ASH1L: variants seen among roughly 807,000 people sequenced by gnomAD.
ASH1L encodes the protein ASH1 like histone lysine methyltransferase.
Under a neutral mutation model 269.0 loss-of-function variants are expected in ASH1L, and 23 were observed. The observed-to-expected ratio is 0.09, with a 90% confidence interval of 0.06 to 0.12. The LOEUF is 0.12. Among genes scored for constraint, ASH1L ranks in the 10% least tolerant of loss-of-function variants. ASH1L has a pLI of 1.00. For synonymous variants in ASH1L, 1,187 were observed against 1,253.5 expected, an observed-to-expected ratio of 0.95 and a Z score of 1.12; for missense variants, 2,912 against 3,567.8, an observed-to-expected ratio of 0.82 and a Z score of 4.68.
At chr1:155,554,721 A>T (rs977765841) in intron 1 of ASH1L, among the ~76,000 whole-genome samples, 3 of 152,220 alleles carry the variant, frequency 2.0e-5, no homozygotes, top group Non-Finnish European at 2.9e-5. Context: ...AAACAAAAAA[A>T]AACACTGTAT....
intron 2 of ASH1L, among the ~76,000 whole-genome samples, chr1:155,509,748 G>A (rs140831573): frequency 0.02 from 3,106 of 152,152 alleles, 104 homozygotes; most frequent in African/African-American, 0.071. Context: ...GCAGTGAGCC[G>A]AGACTGCACC....
At chr1:155,412,085 A>G (rs1659856967) in intron 6 of ASH1L, among the ~76,000 whole-genome samples, 1 of 151,912 alleles carries the variant, frequency 6.6e-6, no homozygotes, top group Non-Finnish European at 1.5e-5. Context: ...CTACTAAAAT[A>G]CAAAAAATTG....
chr1:155,506,782 C>G (rs909725884), intron 2 of ASH1L, among the ~76,000 whole-genome samples: 1 of 151,754 alleles, frequency 6.6e-6, no homozygotes, highest in African/African-American at 2.4e-5. Context: ...AAGTCTAATA[C>G]TTGGATTCAT....
At chr1:155,435,938 C>T (rs1029600598) in intron 5 of ASH1L, among the ~76,000 whole-genome samples, 4 of 152,126 alleles carry the variant, frequency 2.6e-5, no homozygotes, top group Admixed American at 2.6e-4. Flanking sequence ...GTAATCACAG[C>T]TGCTCAAGAG....
chr1:155,438,497 C>T lies in ASH1L; in HGVS notation c.5658G>A (p.Leu1886=). The change falls in exon 5 of 28, where the codon CTG becomes CTA. Residue 1886 remains leucine (L), a synonymous_variant. Coordinates refer to ENST00000392403, the MANE Select transcript of ASH1L (RefSeq NM_018489.3). ...ELNRDEEGAA[L]HLSPDTVTDV... is the part of the protein sequence containing the mutation. ...CTGTAACTGTGTCAGGACTGAGGTG[C>T]AGTGCTGCTCCTTCCTCGTCTCTGT... is the stretch of plus-strand genomic sequence containing the variant. 1 of 1,613,236 alleles carries T rather than the reference C, an allele frequency of 6.2e-7. No homozygotes were observed.
intron 3 of ASH1L, among the ~76,000 whole-genome samples, chr1:155,462,985 G>A (rs962908190): frequency 6.6e-6 from 1 of 152,160 alleles, no homozygotes; most frequent in African/African-American, 2.4e-5. Context: ...GGAAAGTGAT[G>A]CTATCACTTA....
intron 2 of ASH1L, among the ~76,000 whole-genome samples, chr1:155,489,156 T>C (rs1666566976): frequency 6.6e-6 from 1 of 152,164 alleles, no homozygotes; most frequent in Admixed American, 6.5e-5. Context: ...TGACTGTAAT[T>C]AAATAGTTTC....
chr1:155,537,753 T>TAAAA (rs201878978), intron 1 of ASH1L, among the ~76,000 whole-genome samples: 6 of 151,814 alleles, frequency 4.0e-5, no homozygotes, highest in African/African-American at 1.5e-4. Context: ...TTTTTTTTTT[T>TAAAA]AAAAAAAGCT....
intron 10 of ASH1L, among the ~76,000 whole-genome samples, chr1:155,373,900 C>T (rs188457272): frequency 6.6e-6 from 1 of 152,334 alleles, no homozygotes; most frequent in African/African-American, 2.4e-5. Context: ...AACTCCTGGA[C>T]TCAAGTGATC....
chr1:155,461,943 C>A (rs1298792713), intron 3 of ASH1L, among the ~76,000 whole-genome samples: 4 of 151,748 alleles, frequency 2.6e-5, no homozygotes, highest in Admixed American at 6.6e-5. Context: ...GGATTACAGG[C>A]ATGGGCCACC....
At chr1:155,380,315 T>G (rs529157082) in intron 7 of ASH1L, among the ~76,000 whole-genome samples, 199 bp from the exon 8 acceptor site, 6 of 152,310 alleles carry the variant, frequency 3.9e-5, no homozygotes, top group Admixed American at 2.0e-4. Flanking sequence ...AGATATATTT[T>G]AAGTATAATA....
chr1:155,552,993 C>T (rs547288058), intron 1 of ASH1L, among the ~76,000 whole-genome samples: 16 of 152,222 alleles, frequency 1.1e-4, no homozygotes, highest in Admixed American at 3.9e-4. Context: ...TAAATATTAT[C>T]ATTACTATAT....
intron 2 of ASH1L, among the ~76,000 whole-genome samples, chr1:155,491,033 T>G: frequency 1.4e-5 from 2 of 147,848 alleles, no homozygotes; most frequent in East Asian, 2.0e-4. Context: ...ATTGCATTTG[T>G]TTATATTTGA....
At chr1:155,344,312 T>A in intron 21 of ASH1L, 39 bp from the exon 22 acceptor site, 1 of 1,460,742 alleles carries the variant, frequency 6.8e-7, no homozygotes, top group Non-Finnish European at 9.6e-7. Flanking sequence ...GGGCTGGAAT[T>A]ACTACATTCA....
chr1:155,469,206 C>T (rs1165271282), intron 3 of ASH1L, among the ~76,000 whole-genome samples: 3 of 150,426 alleles, frequency 2.0e-5, no homozygotes, highest in Non-Finnish European at 3.0e-5. Flanking sequence ...TTTTTTGAGA[C>T]GGAGTTTCTC....
chr1:155,481,130 A>T lies in ASH1L; in HGVS notation c.1740T>A (p.Pro580=). Reference sequence around the variant, plus strand: ...TAGTAGAACTTAAAAGTAATGGATTAGGAGCCAACTGTGAAGAAGTTTCAG... The same window carrying T: ...TAGTAGAACTTAAAAGTAATGGATTTGGAGCCAACTGTGAAGAAGTTTCAG... ...SPPETSSQLA[P]NPLLLSSTTE... The change falls in exon 3 of 28, where the codon CCT becomes CCA. Residue 580 remains proline, a synonymous_variant. Transcript: ENST00000392403. 1 of 1,614,140 alleles carries T rather than the reference A, an allele frequency of 6.2e-7. No homozygotes were observed. The highest frequency in any genetic ancestry group is 1.1e-5 in the South Asian group (1 of 91,078).
intron 1 of ASH1L, among the ~76,000 whole-genome samples, chr1:155,555,498 A>G (rs1456703817): frequency 7.7e-5 from 10 of 129,404 alleles, no homozygotes; most frequent in African/African-American, 2.8e-4. Context: ...CTCTGTCTCA[A>G]AAAAAAAAAA....
chr1:155,426,404 T>C (rs1019937898), intron 5 of ASH1L, among the ~76,000 whole-genome samples: 14 of 152,114 alleles, frequency 9.2e-5, no homozygotes, highest in African/African-American at 3.1e-4. Flanking sequence ...GGTTTCACCG[T>C]GTTAGCCAGG....
rs933486768 is a variant in ASH1L, at chr1:155,520,754, C to T, written c.420+346G>A. On this transcript the variant is annotated intron_variant, in intron 2 of 27. Transcript: ENST00000392403. Reference sequence around the variant, plus strand: ...GTGGGTGCCTGTAATCCCAGGTACTCGGGAGGCTGAGGCAGGAGAACTGCT... The same window carrying T: ...GTGGGTGCCTGTAATCCCAGGTACTTGGGAGGCTGAGGCAGGAGAACTGCT... Among the ~76,000 whole-genome samples, 5 of 151,946 alleles carry T rather than the reference C, an allele frequency of 3.3e-5. No individual in the cohort carries two copies. In the South Asian group the frequency reaches 6.3e-4, roughly 19 times the overall value.
Sources: gnomAD v4.1 joint callset for allele counts (sites outside exome capture counted in the v4.1 genomes callset) on GRCh38, gnomAD v4.1.1 for gene constraint, MANE v1.5 for transcripts, NCBI Gene and HGNC (gene_info 2026-07-23, HGNC 2026-07-21) for gene names.